LRRC74A: variants seen among roughly 807,000 people sequenced by gnomAD.
LRRC74A encodes leucine-rich repeat-containing protein 74A.
In LRRC74A, 44 loss-of-function variants were observed where a neutral mutation model predicts 57.9. That is an observed-to-expected ratio of 0.76 (90% CI 0.60 to 0.98). The LOEUF (loss-of-function observed/expected upper bound fraction) is 0.98, where lower values mean the gene tolerates loss of function less well. LRRC74A is among the 50% of genes least tolerant of loss of function. The probability of loss-of-function intolerance (pLI) is 0.00; values close to 1 mark genes in which losing one functional copy is unlikely to be tolerated. For synonymous variants in LRRC74A, 211 were observed against 219.4 expected (o/e 0.96, Z 0.34); for missense variants, 572 against 574.0 (o/e 1.00, Z 0.04).
rs1465017514 is a variant in LRRC74A at position 76,853,230 on chromosome 14, G to C, written c.777G>C (p.Leu259=). The C allele has an allele frequency of 6.2e-7, 1 of 1,612,724 alleles. No homozygotes were observed. The highest frequency in any genetic ancestry group is 2.2e-5 in the East Asian group (1 of 44,852). ...LCNGLRGNVT[L]TKLDLSMNGF... Reference sequence around the variant, plus strand: ...TCTTCCTGGAGGGTAATGTGACCCTGACAAAGCTGGATCTCTCCATGAATG... The same window carrying C: ...TCTTCCTGGAGGGTAATGTGACCCTCACAAAGCTGGATCTCTCCATGAATG... Residue 259 remains leucine (L), a synonymous_variant, in exon 9 of 14, where the codon CTG becomes CTC. Transcript: ENST00000689127.
chr14:76,863,451 T>C (rs573030829), intron 11 of LRRC74A, among the ~76,000 whole-genome samples: 1 of 152,162 alleles, frequency 6.6e-6, no homozygotes, highest in Non-Finnish European at 1.5e-5. Context: ...TCCTTCCACC[T>C]GGAACACTTT....
At chr14:76,833,585 G>A (rs983171645) in intron 3 of LRRC74A, among the ~76,000 whole-genome samples, 1 of 151,718 alleles carries the variant, frequency 6.6e-6, no homozygotes, top group African/African-American at 2.4e-5. Context: ...GGGATTACAG[G>A]TGCGCACCAC....
At chr14:76,830,821 G>T (rs17736206) in intron 2 of LRRC74A, among the ~76,000 whole-genome samples, 5 of 152,176 alleles carry the variant, frequency 3.3e-5, no homozygotes, top group African/African-American at 1.2e-4. Flanking sequence ...AAAGTCATCC[G>T]CGTTTGGCCT....
At chr14:76,843,650 A>G (rs10136251) in intron 5 of LRRC74A, among the ~76,000 whole-genome samples, 157 of 152,276 alleles carry the variant, frequency 1.0e-3, no homozygotes, top group African/African-American at 3.7e-3. Flanking sequence ...TCCATGTAAT[A>G]CTTGCTTTAA....
intron 13 of LRRC74A, among the ~76,000 whole-genome samples, chr14:76,869,882 C>T (rs1451356478): frequency 6.6e-6 from 1 of 152,204 alleles, no homozygotes; most frequent in Non-Finnish European, 1.5e-5. Context: ...AGGGCTCTTG[C>T]AAACGATCTT....
At chr14:76,860,898 G>T in intron 11 of LRRC74A, 59 bp downstream of exon 11, 1 of 1,449,086 alleles carries the variant, frequency 6.9e-7, no homozygotes, top group Non-Finnish European at 9.4e-7. Flanking sequence ...CTGGCCAATG[G>T]CTCCAAATCA....
At chr14:76,830,912 G>A (rs1895927049) in intron 2 of LRRC74A, among the ~76,000 whole-genome samples, 1 of 152,226 alleles carries the variant, frequency 6.6e-6, no homozygotes, top group Non-Finnish European at 1.5e-5. Context: ...GGCCAACCTG[G>A]GCAGGTGGGG....
Position 76,860,784 on chromosome 14 carries a change from G to T in LRRC74A, c.1145G>T (p.Gly382Val). 1 of 1,610,728 alleles carries T rather than the reference G, an allele frequency of 6.2e-7. No homozygotes were observed. The highest frequency in any genetic ancestry group is 8.5e-7 in the Non-Finnish European group (1 of 1,177,724). Reference protein sequence around the residue: ...QLDVVFKAVQGLSPKKTIFLL... With the variant: ...QLDVVFKAVQVLSPKKTIFLL... ...GACGTGGTATTCAAGGCAGTACAAGGCCTCTCTCCCAAGAAAACCATCTTC... is the reference window on the plus strand; with the variant it reads ...GACGTGGTATTCAAGGCAGTACAAGTCCTCTCTCCCAAGAAAACCATCTTC... Residue 382 changes from glycine (G) to valine (V), a missense_variant, in exon 11 of 14, where the codon GGC becomes GTC. Transcript: ENST00000689127.
chr14:76,867,828 C>T (rs145547631), intron 13 of LRRC74A, among the ~76,000 whole-genome samples: 142 of 152,260 alleles, frequency 9.3e-4, no homozygotes, highest in African/African-American at 3.3e-3. Flanking sequence ...AGGCGGGAGG[C>T]GGCAATGTTT....
In LRRC74A at chr14:76,844,905, A is replaced by G. The variant is rs1897020146; in HGVS notation, c.676+4A>G. The G allele has an allele frequency of 1.3e-6, 2 of 1,520,236 alleles. No homozygotes were observed. Among genetic ancestry groups the G allele is most frequent in the Non-Finnish European group, 1.8e-6 (2 of 1,095,126 alleles). The allele number at this position is 1,520,236 out of a possible 1,614,324, so 94.2% of individuals were successfully genotyped here. On this transcript the variant is annotated splice_donor_region_variant and intron_variant, in intron 7 of 13. Transcript: ENST00000689127. ...GAGCACCTGGGCCAGATGCTGGGTGAGTCTCCCTGGAGGAAGGGACAGCAA... is the reference window on the plus strand; with the variant it reads ...GAGCACCTGGGCCAGATGCTGGGTGGGTCTCCCTGGAGGAAGGGACAGCAA...
chr14:76,841,534 G>T (rs1013545871), intron 5 of LRRC74A, among the ~76,000 whole-genome samples: 1 of 151,138 alleles, frequency 6.6e-6, no homozygotes, highest in Non-Finnish European at 1.5e-5. Context: ...GAATCATTTT[G>T]TCAAGTTCTA....
intron 7 of LRRC74A, among the ~76,000 whole-genome samples, chr14:76,850,809 A>C (rs566340202): frequency 2.1e-4 from 31 of 147,172 alleles, no homozygotes; most frequent in Non-Finnish European, 4.3e-4. Flanking sequence ...CGGAGGTTGC[A>C]GTGAGCCGAG....
At chr14:76,831,557 C>G (rs934099123) in intron 3 of LRRC74A, among the ~76,000 whole-genome samples, 182 bp downstream of exon 3, 24 of 152,134 alleles carry the variant, frequency 1.6e-4, no homozygotes, top group African/African-American at 5.6e-4. Context: ...TAGGAGGCTA[C>G]TAGCAACCTG....
At chr14:76,838,123 T>C (rs1320975358) in intron 5 of LRRC74A, among the ~76,000 whole-genome samples, 152 bp downstream of exon 5, 1 of 152,114 alleles carries the variant, frequency 6.6e-6, no homozygotes, top group Non-Finnish European at 1.5e-5. Flanking sequence ...ACCCTCCCAG[T>C]CACACTCCCC....
chr14:76,850,861 A>AAG (rs1555367246), intron 7 of LRRC74A, among the ~76,000 whole-genome samples: 2 of 96,534 alleles, frequency 2.1e-5, no homozygotes, highest in Non-Finnish European at 4.2e-5. Flanking sequence ...AAAAAAAAAA[A>AAG]AAAGAAAGAA....
rs3742753 is a variant in LRRC74A, at chr14:76,829,647, A to C, written c.166+1228A>C. Reference sequence around the variant, plus strand: ...CACAGCTAGAAAGGGTCAGCATCAAACCCAGCAGAATTAGTCCCAGGGACA... The same window carrying C: ...CACAGCTAGAAAGGGTCAGCATCAACCCCAGCAGAATTAGTCCCAGGGACA... On this transcript the variant is annotated intron_variant, in intron 2 of 13. Coordinates refer to ENST00000689127, the MANE Select transcript of LRRC74A (RefSeq NM_001385106.1). 5.4e-4 allele frequency among the ~76,000 whole-genome samples: 83 copies of C among 152,300 alleles called. 1 individual carries two copies. The East Asian group carries it at 0.014, about 27-fold the overall frequency.
At chr14:76,860,527 G>A (rs1346776533) in intron 10 of LRRC74A, among the ~76,000 whole-genome samples, 166 bp from the exon 11 acceptor site, 1 of 152,154 alleles carries the variant, frequency 6.6e-6, no homozygotes, top group Admixed American at 6.5e-5. Flanking sequence ...CAATTTACAA[G>A]CTCTAAAATA....
At chr14:76,845,948 G>A (rs1336690826) in intron 7 of LRRC74A, among the ~76,000 whole-genome samples, 1 of 152,244 alleles carries the variant, frequency 6.6e-6, no homozygotes, top group African/African-American at 2.4e-5. Context: ...AACCCAAGAG[G>A]CGGTGGTTGC....
chr14:76,846,788 G>A (rs970697942), intron 7 of LRRC74A, among the ~76,000 whole-genome samples: 5 of 151,372 alleles, frequency 3.3e-5, no homozygotes, highest in South Asian at 2.1e-4. Flanking sequence ...GGAGATAGGA[G>A]CCCCGTTTTC....
Sources: allele counts gnomAD v4.1 joint callset (sites outside exome capture counted in the v4.1 genomes callset), GRCh38; gene constraint gnomAD v4.1.1; transcripts MANE v1.5; gene names NCBI Gene and HGNC (gene_info 2026-07-23, HGNC 2026-07-21).